Variants in TDRD5 observed in about 807,000 individuals in gnomAD.
The protein encoded by TDRD5 is tudor domain containing 5.
In TDRD5, 41 loss-of-function variants were observed where a neutral mutation model predicts 120.6. The observed-to-expected ratio is 0.34, with a 90% confidence interval of 0.26 to 0.44. The LOEUF (loss-of-function observed/expected upper bound fraction) is 0.44, where lower values mean the gene tolerates loss of function less well. Among genes scored for constraint, TDRD5 ranks in the 20% least tolerant of loss-of-function variants. TDRD5 has a pLI of 1.00. For missense variants in TDRD5, 1,006 were observed against 1,221.2 expected, an observed-to-expected ratio of 0.82 and a Z score of 2.63; for synonymous variants, 430 against 433.7, an observed-to-expected ratio of 0.99 and a Z score of 0.11.
chr1:179,690,695 G>A lies in TDRD5; in HGVS notation c.2861-1G>A. 1 of 1,612,666 alleles carries A rather than the reference G, an allele frequency of 6.2e-7. No individual in the cohort carries two copies. Among genetic ancestry groups the A allele is most frequent in the Non-Finnish European group, 8.5e-7 (1 of 1,179,162 alleles). ...ATGTTTGTGTACTCTTTCTTTTCCA[G>A]TGGAAAGCTCACCAGAGATCCTAAA... On this transcript the variant is annotated splice_acceptor_variant, in intron 17 of 17. Coordinates refer to ENST00000444136, the MANE Select transcript of TDRD5 (RefSeq NM_001199085.3). LOFTEE classifies it high-confidence loss of function.
rs558898554 is a variant in TDRD5 at position 179,629,695 on chromosome 1, GT to G, written c.973-1064del. Among the ~76,000 whole-genome samples the G allele has an allele frequency of 7.9e-5, 12 of 151,942 alleles. No individual in the cohort carries two copies. The South Asian group carries it at 1.2e-3, about 16-fold the overall frequency. ...ATTTCACTTTTAACCCTTTGGAGTAGTTTTTTTTCAATGTTTTAAGAATTTA... is the reference window on the plus strand; with the variant it reads ...ATTTCACTTTTAACCCTTTGGAGTAGTTTTTTTCAATGTTTTAAGAATTTA... On this transcript the variant is annotated intron_variant, in intron 6 of 17. Transcript: ENST00000444136.
At chr1:179,646,121 A>G (rs942335265) in intron 11 of TDRD5, among the ~76,000 whole-genome samples, 10 of 152,266 alleles carry the variant, frequency 6.6e-5, no homozygotes, top group South Asian at 2.1e-4. Flanking sequence ...TATATGGTCT[A>G]CCTATTCTTT....
At chr1:179,661,403 A>G in intron 14 of TDRD5, among the ~76,000 whole-genome samples, 1 of 149,400 alleles carries the variant, frequency 6.7e-6, no homozygotes, top group East Asian at 2.0e-4. Context: ...TTTCCCCCCA[A>G]TCTTTTTTTC....
At chr1:179,647,489 A>G (rs898011822) in intron 11 of TDRD5, among the ~76,000 whole-genome samples, 4 of 152,112 alleles carry the variant, frequency 2.6e-5, no homozygotes, top group South Asian at 4.1e-4. Flanking sequence ...ACCTAAAACC[A>G]TAAAAACCCT....
chr1:179,631,427 G>C (rs1029828465), intron 7 of TDRD5, among the ~76,000 whole-genome samples: 7 of 152,130 alleles, frequency 4.6e-5, no homozygotes, highest in African/African-American at 1.7e-4. Flanking sequence ...TCATTGTCTA[G>C]ATTTTTGATA....
intron 3 of TDRD5, among the ~76,000 whole-genome samples, chr1:179,594,685 C>T (rs1179394804): frequency 6.6e-6 from 1 of 152,222 alleles, no homozygotes; most frequent in East Asian, 1.9e-4. Context: ...TCTCCAACTT[C>T]TGCATTTAGA....
chr1:179,639,633 T>C (rs1463342311), intron 9 of TDRD5, among the ~76,000 whole-genome samples: 1 of 152,230 alleles, frequency 6.6e-6, no homozygotes, highest in Non-Finnish European at 1.5e-5. Flanking sequence ...TGAGTGTGTG[T>C]TTCTCTTTGA....
intron 4 of TDRD5, among the ~76,000 whole-genome samples, chr1:179,600,718 T>C (rs1675658745): frequency 6.6e-6 from 1 of 152,214 alleles, no homozygotes; most frequent in Non-Finnish European, 1.5e-5. Context: ...AGTTTGGTCA[T>C]TGATTTTGCT....
intron 17 of TDRD5, among the ~76,000 whole-genome samples, chr1:179,670,361 C>T (rs1679797403): frequency 6.6e-6 from 1 of 150,852 alleles, no homozygotes; most frequent in African/African-American, 2.4e-5. Flanking sequence ...CACTACACTC[C>T]AGCCTGGGTG....
rs117956070 is a variant in TDRD5, at chr1:179,649,412, A to G, written c.1801-1455A>G. Among the ~76,000 whole-genome samples the G allele has an allele frequency of 6.1e-3, 921 of 151,842 alleles. 32 individuals are homozygous for G. The East Asian group carries it at 0.095, about 16-fold the overall frequency. On this transcript the variant is annotated intron_variant, in intron 11 of 17. Transcript: ENST00000444136. ...TTCTTCCATTTCTCTTAACCTTTCT[A>G]TCGTATTTTACATCTGTCTGTCTTT...
At chr1:179,630,285 C>T (rs1677363801) in intron 6 of TDRD5, among the ~76,000 whole-genome samples, 1 of 152,164 alleles carries the variant, frequency 6.6e-6, no homozygotes, top group Non-Finnish European at 1.5e-5. Flanking sequence ...GCGTGAGCCA[C>T]CGTGCCTGGC....
chr1:179,645,736 T>C (rs1254933172), intron 11 of TDRD5, among the ~76,000 whole-genome samples: 1 of 152,198 alleles, frequency 6.6e-6, no homozygotes, highest in East Asian at 1.9e-4. Context: ...AGTTTTTATT[T>C]TGTATACAAT....
At chr1:179,598,371 A>G (rs1441303386) in intron 4 of TDRD5, among the ~76,000 whole-genome samples, 4 of 152,196 alleles carry the variant, frequency 2.6e-5, no homozygotes, top group African/African-American at 9.6e-5. Context: ...TTAATTTGAT[A>G]CAAATCAACT....
intron 11 of TDRD5, among the ~76,000 whole-genome samples, chr1:179,649,322 ATTC>A (rs1572397406): frequency 6.6e-6 from 1 of 151,570 alleles, no homozygotes; most frequent in Admixed American, 6.6e-5. Flanking sequence ...TTATATTTGT[ATTC>A]TTCTTATCTC....
intron 5 of TDRD5, among the ~76,000 whole-genome samples, chr1:179,620,387 A>G (rs1676779209): frequency 6.6e-6 from 1 of 152,196 alleles, no homozygotes; most frequent in South Asian, 2.1e-4. Context: ...GAACTCAAGC[A>G]TGAGGATAAT....
rs369204787 is a variant in TDRD5, at chr1:179,593,850, C to T, written c.623C>T (p.Pro208Leu). The T allele has an allele frequency of 1.6e-5, 25 of 1,612,814 alleles. 1 individual carries two copies. Among genetic ancestry groups the T allele is most frequent in the South Asian group, 5.5e-5 (5 of 91,012 alleles). ...MLKKSVTEEK[P>L]RGCPAGKIFT... ...AAGAAGAGTGTAACAGAGGAAAAGC[C>T]GAGAGGATGTCCAGCAGGTACGCAT... The change falls in exon 3 of 18, where the codon CCG (proline) becomes CTG (leucine). Residue 208 changes from proline (P) to leucine (L), a missense_variant. Coordinates refer to ENST00000444136, the MANE Select transcript of TDRD5 (RefSeq NM_001199085.3).
At chr1:179,622,286 G>T (rs1394017230) in intron 6 of TDRD5, among the ~76,000 whole-genome samples, 1 of 152,090 alleles carries the variant, frequency 6.6e-6, no homozygotes, top group African/African-American at 2.4e-5. Flanking sequence ...TTGGGTTTAT[G>T]TTCAGCCAAA....
intron 16 of TDRD5, among the ~76,000 whole-genome samples, chr1:179,666,884 T>C (rs1679583523): frequency 6.6e-6 from 1 of 152,232 alleles, no homozygotes; most frequent in Admixed American, 6.5e-5. Context: ...CATTTGTTCA[T>C]GTTTCATAAA....
At chr1:179,614,532 GTTTAC>G (rs1676458513) in intron 4 of TDRD5, among the ~76,000 whole-genome samples, 1 of 152,082 alleles carries the variant, frequency 6.6e-6, no homozygotes, top group African/African-American at 2.4e-5. Flanking sequence ...TGAAAGGAAT[GTTTAC>G]TTTTATGGCT....
Sources: allele counts gnomAD v4.1 joint callset (sites outside exome capture counted in the v4.1 genomes callset), GRCh38; gene constraint gnomAD v4.1.1; transcripts MANE v1.5; gene names NCBI Gene and HGNC (gene_info 2026-07-23, HGNC 2026-07-21).